Variants in RAB6A observed in about 807,000 individuals in gnomAD.
RAB6A encodes RAB6A, member RAS oncogene family, also known as ras-related protein Rab-6A.
RAB6A carries 8 observed loss-of-function variants against 32.3 expected under a neutral mutation model. That is an observed-to-expected ratio of 0.25 (90% CI 0.15 to 0.45). RAB6A has a LOEUF of 0.45. Ranked by LOEUF, RAB6A falls within the 20% of genes least tolerant of loss-of-function variation. RAB6A has a pLI of 1.00. For synonymous variants in RAB6A, 73 were observed against 82.1 expected (o/e 0.89, Z 0.60); for missense variants, 104 against 249.4 (o/e 0.42, Z 3.93).
chr11:73,747,805 A>C (rs937918520), intron 1 of RAB6A, among the ~76,000 whole-genome samples: 20 of 152,144 alleles, frequency 1.3e-4, no homozygotes, highest in African/African-American at 4.8e-4. Flanking sequence ...GATTTGTCTG[A>C]TGTTTTCTCA....
chr11:73,741,213 T>C (rs912612145), intron 1 of RAB6A, among the ~76,000 whole-genome samples: 5 of 150,442 alleles, frequency 3.3e-5, no homozygotes, highest in African/African-American at 1.2e-4. Flanking sequence ...CTCGGCTCAC[T>C]GCAAGCTCCA....
At chr11:73,721,337 C>T (rs1022586154) in intron 2 of RAB6A, among the ~76,000 whole-genome samples, 2 of 152,154 alleles carry the variant, frequency 1.3e-5, no homozygotes, top group African/African-American at 4.8e-5. Flanking sequence ...GTCCTAATGC[C>T]ATAGACAGCC....
chr11:73,698,963 T>C (rs1945698644), intron 6 of RAB6A, among the ~76,000 whole-genome samples: 1 of 150,082 alleles, frequency 6.7e-6, no homozygotes, highest in Non-Finnish European at 1.5e-5. Context: ...GTGATTCTCC[T>C]GCCTCAGCCT....
At position 73,722,367 on chromosome 11, in the gene RAB6A, T is replaced by TTTTTTTTG. The variant is rs1393411671; in HGVS notation, c.130-1469_130-1468insCAAAAAAA. 3.5e-4 allele frequency: 29 copies of TTTTTTTTG among 81,790 alleles called. 4 individuals are homozygous for TTTTTTTTG. The highest frequency in any genetic ancestry group is 6.4e-4 in the East Asian group (2 of 3,134). 5.1% of individuals were successfully genotyped at this position (81,790 alleles called of 1,614,324 possible). On this transcript the variant is annotated intron_variant, in intron 2 of 7. Transcript: ENST00000336083. ...TATTTTTTTTTTTTTTTTTTTTTTT[T>TTTTTTTTG]GAGACAGTCTCACACTCTTGCCCAA...
intron 6 of RAB6A, among the ~76,000 whole-genome samples, chr11:73,685,897 AAAAAAAAAAAAGC>A (rs1945446826): frequency 6.8e-6 from 1 of 148,130 alleles, no homozygotes; most frequent in Non-Finnish European, 1.5e-5. Context: ...AAAAAAAAAA[AAAAAAAAAAAAGC>A]AGCTTTATTT....
chr11:73,704,821 C>A (rs959291453), intron 6 of RAB6A, among the ~76,000 whole-genome samples: 1 of 151,582 alleles, frequency 6.6e-6, no homozygotes, highest in Non-Finnish European at 1.5e-5. Context: ...ACGGTGAAAC[C>A]CCCTATCTAC....
chr11:73,715,163 G>C (rs530295848), intron 5 of RAB6A, among the ~76,000 whole-genome samples: 1 of 151,784 alleles, frequency 6.6e-6, no homozygotes, highest in Admixed American at 6.6e-5. Flanking sequence ...GTCTCACTCT[G>C]TTGCCCAGGC....
At chr11:73,698,073 T>C (rs979579936) in intron 6 of RAB6A, among the ~76,000 whole-genome samples, 1 of 151,946 alleles carries the variant, frequency 6.6e-6, no homozygotes, top group Non-Finnish European at 1.5e-5. Flanking sequence ...ATACAAAAAT[T>C]AGCCAGGCGA....
At chr11:73,721,022 A>G in intron 2 of RAB6A, 123 bp from the exon 3 acceptor site, 2 of 688,722 alleles carry the variant, frequency 2.9e-6, no homozygotes, top group African/African-American at 3.6e-5. Context: ...CAACATAGTC[A>G]ATTAAGGACA....
chr11:73,738,280 T>G (rs971855903), intron 1 of RAB6A, among the ~76,000 whole-genome samples: 5 of 152,098 alleles, frequency 3.3e-5, no homozygotes, highest in Non-Finnish European at 7.4e-5. Context: ...AGTACCAGGA[T>G]TATGGTCGTG....
chr11:73,748,783 T>G (rs1158710797), intron 1 of RAB6A, among the ~76,000 whole-genome samples: 1 of 152,192 alleles, frequency 6.6e-6, no homozygotes, highest in Non-Finnish European at 1.5e-5. Flanking sequence ...TGTCTATTTC[T>G]GAATCCTCCT....
chr11:73,722,331 ATATATATATATATTTTTTTTTTT>A (rs1206590115), intron 2 of RAB6A: 7 of 46,678 alleles, frequency 1.5e-4, no homozygotes, highest in Non-Finnish European at 2.4e-4. Context: ...ATATATATAT[ATATATATATATATTTTTTTTTTT>A]TTTTTTTTTT....
intron 6 of RAB6A, among the ~76,000 whole-genome samples, chr11:73,690,212 A>AG (rs1288327029): frequency 2.0e-5 from 3 of 152,214 alleles, no homozygotes; most frequent in Non-Finnish European, 4.4e-5. Context: ...TCTAATAAAA[A>AG]GGGGATACAG....
intron 2 of RAB6A, among the ~76,000 whole-genome samples, chr11:73,724,221 C>T (rs756374832): frequency 6.6e-6 from 1 of 152,086 alleles, no homozygotes; most frequent in Non-Finnish European, 1.5e-5. Flanking sequence ...AAAAGATATC[C>T]CACTGAACAC....
intron 2 of RAB6A, among the ~76,000 whole-genome samples, chr11:73,724,579 G>A (rs770988091): frequency 2.1e-5 from 3 of 142,794 alleles, no homozygotes; most frequent in Non-Finnish European, 4.5e-5. Flanking sequence ...TCCGCCTCCC[G>A]GGGTTCACGC....
At chr11:73,745,948 T>TGAGACTGC (rs1946582768) in intron 1 of RAB6A, among the ~76,000 whole-genome samples, 2 of 151,464 alleles carry the variant, frequency 1.3e-5, no homozygotes, top group South Asian at 4.2e-4. Flanking sequence ...TGCAGTGAGC[T>TGAGACTGC]GAGACTGCGC....
chr11:73,760,451 G>C, intron 1 of RAB6A, 115 bp downstream of exon 1: 1 of 1,361,262 alleles, frequency 7.3e-7, no homozygotes, highest in Non-Finnish European at 9.9e-7. Flanking sequence ...GGCTGCGGTG[G>C]CAACGAGCGC....
In RAB6A at chr11:73,677,355, C is replaced by T. The variant is rs769923733; in HGVS notation, c.*543G>A. 2 of 171,774 alleles carry T rather than the reference C, an allele frequency of 1.2e-5. No individual in the cohort carries two copies. The highest frequency in any genetic ancestry group is 6.3e-5 in the Admixed American group (1 of 15,812). 10.6% of individuals were successfully genotyped at this position (171,774 alleles called of 1,614,324 possible). ...AAGAATAATTTTGGACATCTTGGTC[C>T]GTAGCCTACAGCAAGTGGTATCTGT... On this transcript the variant is annotated 3_prime_UTR_variant, in exon 8 of 8. Transcript: ENST00000336083.
chr11:73,728,281 T>A (rs1946252221), intron 2 of RAB6A, among the ~76,000 whole-genome samples: 1 of 152,232 alleles, frequency 6.6e-6, no homozygotes, highest in South Asian at 2.1e-4. Flanking sequence ...ATATAAGATG[T>A]GGCATTTTTA....
Sources: allele counts gnomAD v4.1 joint callset (sites outside exome capture counted in the v4.1 genomes callset), GRCh38; gene constraint gnomAD v4.1.1; transcripts MANE v1.5; gene names NCBI Gene and HGNC (gene_info 2026-07-23, HGNC 2026-07-21).